The following ASB2 variants were observed in gnomAD, a reference collection of about 807,000 sequenced individuals.
ASB2 encodes ankyrin repeat and SOCS box protein 2.
ASB2 carries 58 observed loss-of-function variants against 62.4 expected under a neutral mutation model. The observed-to-expected ratio is 0.93, with a 90% CI of 0.75 to 1.16. ASB2 has a LOEUF of 1.16. Among genes scored for constraint, ASB2 ranks in the 50% most tolerant of loss-of-function variants. The pLI, the probability that ASB2 is intolerant of heterozygous loss-of-function variation, is 0.00. For synonymous variants in ASB2, 386 were observed against 385.3 expected, an observed-to-expected ratio of 1.00 and a Z score of -0.02; for missense variants, 928 against 887.9, an observed-to-expected ratio of 1.05 and a Z score of -0.57.
intron 6 of ASB2, among the ~76,000 whole-genome samples, chr14:93,949,285 C>T (rs117429074): frequency 0.014 from 2,105 of 152,314 alleles, 32 homozygotes; most frequent in Middle Eastern, 0.048. Flanking sequence ...GTTTCTGATC[C>T]AGCGGAAACA....
At chr14:93,972,560 A>G (rs765236505) in intron 1 of ASB2, among the ~76,000 whole-genome samples, 1 of 152,182 alleles carries the variant, frequency 6.6e-6, no homozygotes, top group Non-Finnish European at 1.5e-5. Flanking sequence ...TGTATGTGGT[A>G]CAGAGGTTGA....
Position 93,939,678 on chromosome 14 carries a change from G to A in ASB2, c.1053-6C>T, listed in dbSNP as rs774468580. On this transcript the variant is annotated splice_polypyrimidine_tract_variant and splice_region_variant and intron_variant, in intron 7 of 9. Transcript: ENST00000555019. ...GCAGCAGCATCTGCACGATCCTGCC[G>A]GGTCGAGGGGCGGGCGCGGGTGAGG... The A allele has an allele frequency of 8.3e-6, 12 of 1,440,014 alleles. No homozygotes were observed. Among genetic ancestry groups the A allele is most frequent in the African/African-American group, 1.5e-5 (1 of 67,076 alleles). The allele number at this position is 1,440,014 out of a possible 1,614,324, so 89.2% of individuals were successfully genotyped here.
At chr14:93,950,266 TG>T (rs1311246902) in intron 6 of ASB2, among the ~76,000 whole-genome samples, 1 of 152,192 alleles carries the variant, frequency 6.6e-6, no homozygotes, top group African/African-American at 2.4e-5. Context: ...TTACTTCCCG[TG>T]GAGAGAGAAA....
At chr14:93,957,364 C>T in intron 2 of ASB2, 2 of 1,022,288 alleles carry the variant, frequency 2.0e-6, no homozygotes, top group Non-Finnish European at 2.3e-6. Flanking sequence ...CCCACGCCCA[C>T]CTGCCAGCTC....
chr14:93,971,288 A>G (rs1027188866), intron 1 of ASB2, among the ~76,000 whole-genome samples: 1 of 150,212 alleles, frequency 6.7e-6, no homozygotes, highest in Non-Finnish European at 1.5e-5. Flanking sequence ...GGGGATCTCC[A>G]CGCCCTCCCC....
chr14:93,944,218 G>A (rs1264751478), intron 7 of ASB2: 1 of 322,660 alleles, frequency 3.1e-6, no homozygotes. Context: ...GCTATTCTTG[G>A]GGCATCTGCT....
intron 1 of ASB2, among the ~76,000 whole-genome samples, chr14:93,971,167 C>A (rs186982640): frequency 1.3e-5 from 2 of 152,214 alleles, no homozygotes; most frequent in African/African-American, 4.8e-5. Context: ...CCAGCCTTCG[C>A]GTGACAGCTG....
rs991943631 is a variant in ASB2 at position 93,954,444 on chromosome 14, A to G, written c.351T>C (p.Asp117=). The G allele has an allele frequency of 6.8e-6, 11 of 1,614,220 alleles. No individual in the cohort carries two copies. Among genetic ancestry groups the G allele is most frequent in the East Asian group, 2.2e-5 (1 of 44,876 alleles). Residue 117 remains aspartate (D), a synonymous_variant, in exon 4 of 10, where the codon GAT becomes GAC. Coordinates refer to ENST00000555019, the MANE Select transcript of ASB2 (RefSeq NM_001202429.2). ...DPLIKAIKDG[D]EEALKTMIKE... is the part of the protein sequence containing the mutation. ...TGATCATGGTCTTCAAGGCCTCTTCATCGCCATCCTTGATGGCCTTTATCA... is the reference window on the plus strand; with the variant it reads ...TGATCATGGTCTTCAAGGCCTCTTCGTCGCCATCCTTGATGGCCTTTATCA...
rs1221020202 is a variant in ASB2 at position 93,957,019 on chromosome 14, G to A, written c.207-149C>T. ...GCTCTGAACCAAAGCAGATGGCCGG[G>A]TCCTCTGTGTGCTGGACACAGCTGC... On this transcript the variant is annotated intron_variant, in intron 2 of 9. Transcript: ENST00000555019. 3.3e-6 allele frequency: 5 copies of A among 1,531,494 alleles called. No homozygotes were observed. The African/African-American group carries it at 6.9e-5, about 21-fold the overall frequency. 94.9% of individuals were successfully genotyped at this position (1,531,494 alleles called of 1,614,324 possible).
At chr14:93,960,733 G>A (rs911696034) in intron 2 of ASB2, among the ~76,000 whole-genome samples, 1 of 152,102 alleles carries the variant, frequency 6.6e-6, no homozygotes, top group African/African-American at 2.4e-5. Context: ...TGAGACAGAA[G>A]CAAATTGGGA....
intron 3 of ASB2, among the ~76,000 whole-genome samples, chr14:93,954,833 A>G (rs1321200395): frequency 2.0e-5 from 3 of 151,896 alleles, no homozygotes; most frequent in African/African-American, 7.3e-5. Flanking sequence ...AGGCACGCCC[A>G]TCTCGGGGGC....
At chr14:93,948,813 G>A (rs922756273) in intron 6 of ASB2, among the ~76,000 whole-genome samples, 4 of 152,222 alleles carry the variant, frequency 2.6e-5, no homozygotes, top group Non-Finnish European at 5.9e-5. Flanking sequence ...GCACATGCCT[G>A]TAGTTCCAGC....
intron 7 of ASB2, chr14:93,939,894 G>A (rs1888454180): frequency 2.2e-6 from 1 of 445,430 alleles, no homozygotes; most frequent in Non-Finnish European, 3.9e-6. Context: ...TAAGGAAACT[G>A]AAGCTCAGAG....
intron 6 of ASB2, among the ~76,000 whole-genome samples, chr14:93,948,050 C>T (rs1177205043): frequency 6.7e-6 from 1 of 150,268 alleles, no homozygotes; most frequent in Non-Finnish European, 1.5e-5. Flanking sequence ...GAACAGAGGC[C>T]TCTGAGAGGC....
rs8021577 is a variant in ASB2 at position 93,945,853 on chromosome 14, C to T, written c.1052+1496G>A. ...TTTCCCTCTGCCTTAGTGAAGACAA[C>T]AAACATGCCCCAATACACGCAGTCT... On this transcript the variant is annotated intron_variant, in intron 7 of 9. Coordinates refer to ENST00000555019, the MANE Select transcript of ASB2 (RefSeq NM_001202429.2). Among the ~76,000 whole-genome samples the T allele has an allele frequency of 3.1e-3, 477 of 152,324 alleles. 3 individuals are homozygous for T. The highest frequency in any genetic ancestry group is 0.011 in the African/African-American group (460 of 41,564).
chr14:93,961,075 C>G (rs1370262725), intron 2 of ASB2, among the ~76,000 whole-genome samples: 1 of 152,168 alleles, frequency 6.6e-6, no homozygotes, highest in Non-Finnish European at 1.5e-5. Flanking sequence ...ACCCAAGAAG[C>G]TTGTCTGTGA....
chr14:93,956,700 C>G lies in ASB2; in HGVS notation c.311+66G>C, dbSNP rs999950858. ...TGGGGGCTGTGGGCCTGCTTCCCAC[C>G]CTCCCTGCCATCCCAGTTAGCGGAG... On this transcript the variant is annotated intron_variant, in intron 3 of 9. Coordinates refer to ENST00000555019, the MANE Select transcript of ASB2 (RefSeq NM_001202429.2). 7.5e-6 allele frequency: 12 copies of G among 1,599,224 alleles called. No individual in the cohort carries two copies. In the Middle Eastern group the frequency reaches 1.8e-3, roughly 236 times the overall value.
intron 1 of ASB2, among the ~76,000 whole-genome samples, chr14:93,973,390 G>T (rs959980373): frequency 6.6e-6 from 1 of 152,206 alleles, no homozygotes; most frequent in African/African-American, 2.4e-5. Context: ...ACTCCAAAAA[G>T]AGAGCAAGAA....
At chr14:93,960,913 T>C (rs1466098749) in intron 2 of ASB2, among the ~76,000 whole-genome samples, 1 of 151,632 alleles carries the variant, frequency 6.6e-6, no homozygotes, top group African/African-American at 2.4e-5. Flanking sequence ...ATTTATTAGG[T>C]AGCTACAATG....
Sources: allele counts gnomAD v4.1 joint callset (sites outside exome capture counted in the v4.1 genomes callset), GRCh38; gene constraint gnomAD v4.1.1; transcripts MANE v1.5; gene names NCBI Gene and HGNC (gene_info 2026-07-23, HGNC 2026-07-21).